Variants in SNX29 observed in about 807,000 individuals in gnomAD.
SNX29 encodes the protein sorting nexin 29.
SNX29 carries 78 observed loss-of-function variants against 102.1 expected under a neutral mutation model. That is an observed-to-expected ratio of 0.76 (90% CI 0.64 to 0.92). The LOEUF (loss-of-function observed/expected upper bound fraction) is 0.92, where lower values mean the gene tolerates loss of function less well. Ranked by LOEUF, SNX29 falls within the 40% of genes least tolerant of loss-of-function variation. The pLI, the probability that SNX29 is intolerant of heterozygous loss-of-function variation, is 0.00. For missense variants in SNX29, 1,280 were observed against 1,061.7 expected, an observed-to-expected ratio of 1.21 and a Z score of -2.86; for synonymous variants, 580 against 414.5, an observed-to-expected ratio of 1.40 and a Z score of -4.85.
At chr16:12,375,201 C>T (rs532401819) in intron 16 of SNX29, 1 of 152,234 alleles carries the variant, frequency 6.6e-6, no homozygotes, top group African/African-American at 2.4e-5. Flanking sequence ...AGTTTTAGCC[C>T]CCATTATTTT....
intron 18 of SNX29, among the ~76,000 whole-genome samples, chr16:12,438,746 T>G (rs1462869167): frequency 6.6e-6 from 1 of 152,166 alleles, no homozygotes; most frequent in Non-Finnish European, 1.5e-5. Flanking sequence ...CACATTAAAA[T>G]CAGAAGAGGT....
intron 20 of SNX29, among the ~76,000 whole-genome samples, chr16:12,532,191 T>G (rs1200586830): frequency 6.6e-6 from 1 of 152,228 alleles, no homozygotes; most frequent in Admixed American, 6.5e-5. Context: ...AATGAATCAT[T>G]CTTGCAAATA....
chr16:12,353,245 A>G (rs2151300281), intron 15 of SNX29, among the ~76,000 whole-genome samples: 1 of 152,204 alleles, frequency 6.6e-6, no homozygotes, highest in Admixed American at 6.5e-5. Flanking sequence ...AGTGCTCCCC[A>G]CAGCATTTCT....
intron 13 of SNX29, among the ~76,000 whole-genome samples, chr16:12,141,527 AG>A (rs1317557178): frequency 6.6e-6 from 1 of 152,264 alleles, no homozygotes; most frequent in Non-Finnish European, 1.5e-5. Context: ...CAACTGACTT[AG>A]AGTACTTATG....
chr16:12,484,171 C>G (rs1185863233), intron 19 of SNX29, among the ~76,000 whole-genome samples: 1 of 152,088 alleles, frequency 6.6e-6, no homozygotes, highest in African/African-American at 2.4e-5. Context: ...TTGCTTGAGA[C>G]AGGGTCTCTC....
intron 15 of SNX29, among the ~76,000 whole-genome samples, chr16:12,285,046 G>A (rs2079547794): frequency 6.6e-6 from 1 of 152,168 alleles, no homozygotes; most frequent in Non-Finnish European, 1.5e-5. Flanking sequence ...ACTTTTCTGA[G>A]CCTGATTTCC....
chr16:12,420,432 G>A (rs2084826447), intron 18 of SNX29, among the ~76,000 whole-genome samples: 1 of 152,156 alleles, frequency 6.6e-6, no homozygotes, highest in Admixed American at 6.5e-5. Flanking sequence ...CCAGAGGCCT[G>A]GGAGGTGAGG....
intron 16 of SNX29, among the ~76,000 whole-genome samples, chr16:12,394,847 G>A (rs973196979): frequency 6.6e-6 from 1 of 152,138 alleles, no homozygotes; most frequent in African/African-American, 2.4e-5. Flanking sequence ...CCATGAAATC[G>A]GAAGCACACC....
intron 18 of SNX29, among the ~76,000 whole-genome samples, chr16:12,432,380 T>C (rs1260237191): frequency 1.3e-5 from 2 of 152,272 alleles, no homozygotes; most frequent in Non-Finnish European, 1.5e-5. Flanking sequence ...TAAATATTCA[T>C]GATGAGTAAG....
chr16:12,031,721 T>C (rs1196982682), intron 4 of SNX29, among the ~76,000 whole-genome samples: 1 of 151,714 alleles, frequency 6.6e-6, no homozygotes, highest in East Asian at 1.9e-4. Context: ...AGGAGAATGG[T>C]GTGAACCCGG....
chr16:12,002,102 G>T (rs781336366), intron 2 of SNX29, among the ~76,000 whole-genome samples: 3 of 151,652 alleles, frequency 2.0e-5, no homozygotes, highest in Non-Finnish European at 4.4e-5. Context: ...CCTAAAGATG[G>T]TTAAAATGGC....
In SNX29 at chr16:12,569,789, C is replaced by A. The variant is rs1162145747; in HGVS notation, c.*1160C>A. On this transcript the variant is annotated 3_prime_UTR_variant, in exon 21 of 21. Coordinates refer to ENST00000566228, the MANE Select transcript of SNX29 (RefSeq NM_032167.5). ...GAGCACCTCACAGAGCAATAGCCGT[C>A]CTCAGATGCTCAGCAAAGTTGTGGC... is the stretch of plus-strand genomic sequence containing the variant. 3 of 230,312 alleles carry A rather than the reference C, an allele frequency of 1.3e-5. No individual in the cohort carries two copies. Among genetic ancestry groups the A allele is most frequent in the African/African-American group, 6.6e-5 (3 of 45,172 alleles). 14.3% of individuals were successfully genotyped at this position (230,312 alleles called of 1,614,324 possible).
chr16:12,392,760 A>G (rs569166296), intron 16 of SNX29, among the ~76,000 whole-genome samples: 1 of 152,364 alleles, frequency 6.6e-6, no homozygotes, highest in African/African-American at 2.4e-5. Flanking sequence ...CACAGAGAAC[A>G]AAAACAACAA....
At chr16:12,313,420 A>G (rs775839125) in intron 15 of SNX29, among the ~76,000 whole-genome samples, 20 of 152,210 alleles carry the variant, frequency 1.3e-4, no homozygotes, top group Non-Finnish European at 2.2e-4. Flanking sequence ...TTGCCTAACT[A>G]CAGGATCACC....
intron 18 of SNX29, among the ~76,000 whole-genome samples, chr16:12,439,025 A>G (rs538220669): frequency 2.0e-4 from 30 of 152,356 alleles, no homozygotes; most frequent in African/African-American, 7.2e-4. Flanking sequence ...GTGGTTGCAC[A>G]TGGCAGCCCG....
chr16:12,480,500 C>T (rs2087856487), intron 19 of SNX29, among the ~76,000 whole-genome samples: 2 of 152,284 alleles, frequency 1.3e-5, no homozygotes, highest in Admixed American at 6.5e-5. Context: ...ATCCCCCGAC[C>T]CCACCCTTTG....
At chr16:12,391,324 T>C (rs566024869) in intron 16 of SNX29, among the ~76,000 whole-genome samples, 31 of 152,334 alleles carry the variant, frequency 2.0e-4, no homozygotes, top group African/African-American at 6.5e-4. Context: ...GGTTAATTAA[T>C]TAACCATCGG....
At position 12,502,432 on chromosome 16, in the gene SNX29, CGGT is replaced by C. The variant is rs544833192; in HGVS notation, c.2179-22260_2179-22258del. On this transcript the variant is annotated intron_variant, in intron 19 of 20. Coordinates refer to ENST00000566228, the MANE Select transcript of SNX29 (RefSeq NM_032167.5). ...CCCACAGGGAATGCTTCACAGCCGC[CGGT>C]GGTGGTGGTTGCTAGGCTGAGGTAA... is the stretch of plus-strand genomic sequence containing the variant. Among the ~76,000 whole-genome samples the C allele has an allele frequency of 8.9e-4, 136 of 152,228 alleles. 1 individual carries two copies. Among genetic ancestry groups the C allele is most frequent in the African/African-American group, 3.1e-3 (128 of 41,552 alleles).
intron 13 of SNX29, chr16:12,135,639 G>C: frequency 2.2e-6 from 3 of 1,337,268 alleles, no homozygotes; most frequent in Non-Finnish European, 3.0e-6. Context: ...AACAGTTCCT[G>C]ATAGTCTCAT....
Sources: gnomAD v4.1 joint callset for allele counts (sites outside exome capture counted in the v4.1 genomes callset) on GRCh38, gnomAD v4.1.1 for gene constraint, MANE v1.5 for transcripts, NCBI Gene and HGNC (gene_info 2026-07-23, HGNC 2026-07-21) for gene names.